SNED1: variants seen among roughly 807,000 people sequenced by gnomAD.
SNED1 encodes sushi, nidogen and EGF-like domain-containing protein 1.
SNED1 carries 81 observed loss-of-function variants against 166.7 expected under a neutral mutation model. The observed-to-expected ratio is 0.49, with a 90% CI of 0.41 to 0.58. The LOEUF is 0.58. Ranked by LOEUF, SNED1 falls within the 20% of genes least tolerant of loss-of-function variation. The pLI, the probability that SNED1 is intolerant of heterozygous loss-of-function variation, is 0.00. For synonymous variants in SNED1, 762 were observed against 822.0 expected (o/e 0.93, Z 1.25); for missense variants, 1,604 against 2,000.2 (o/e 0.80, Z 3.78).
intron 12 of SNED1, among the ~76,000 whole-genome samples, chr2:241,050,283 C>T (rs1180710341): frequency 1.3e-5 from 2 of 152,154 alleles, no homozygotes; most frequent in Non-Finnish European, 2.9e-5. Flanking sequence ...TGGAAAATGT[C>T]GAATTTTATT....
At chr2:241,088,777 G>A (rs1406833624) in intron 31 of SNED1, 2 of 270,010 alleles carry the variant, frequency 7.4e-6, no homozygotes, top group African/African-American at 2.2e-5. Context: ...CCTGGGAGGA[G>A]GGGCCACGGG....
At chr2:241,088,223 G>A in intron 30 of SNED1, 142 bp from the exon 31 acceptor site, 1 of 687,616 alleles carries the variant, frequency 1.5e-6, no homozygotes. Context: ...CCACAGCGGT[G>A]TCTGGACTAA....
In SNED1 at chr2:241,034,493, T is replaced by C. The variant is rs1227089158; in HGVS notation, c.643-75T>C. ...GTTGCCGACCCTGGCAGGAACATGG[T>C]GGGGGCAGGGTAACCCCCACCTCTG... is the stretch of plus-strand genomic sequence containing the variant. On this transcript the variant is annotated intron_variant, in intron 3 of 31. Transcript: ENST00000310397. The C allele has an allele frequency of 2.6e-5, 36 of 1,358,984 alleles. No homozygotes were observed. In the East Asian group the frequency reaches 9.3e-4, roughly 35 times the overall value. The allele number at this position is 1,358,984 out of a possible 1,614,324, so 84.2% of individuals were successfully genotyped here. A position where few individuals can be genotyped will look rare whatever the true frequency, so the allele number is the denominator to read the frequency against.
At chr2:241,017,942 A>C (rs1371674927) in intron 1 of SNED1, among the ~76,000 whole-genome samples, 1 of 152,216 alleles carries the variant, frequency 6.6e-6, no homozygotes, top group Non-Finnish European at 1.5e-5. Context: ...CCAAAAAAGC[A>C]GCTCCCGCTA....
intron 1 of SNED1, among the ~76,000 whole-genome samples, chr2:241,002,848 C>A (rs1250107348): frequency 6.6e-6 from 1 of 152,094 alleles, no homozygotes; most frequent in Non-Finnish European, 1.5e-5. Context: ...CATGAATAAA[C>A]CCCTGAGAGC....
In SNED1 at chr2:241,071,699, AG is replaced by A; in HGVS notation, c.3714del (p.Thr1239ProfsTer18). On this transcript the variant is annotated frameshift_variant, in exon 25 of 32. Coordinates refer to ENST00000310397, the MANE Select transcript of SNED1 (RefSeq NM_001080437.3). LOFTEE classifies it high-confidence loss of function. ...LRLLNDHSAP[E>X]TPTQPPRFSE... is the part of the protein sequence containing the mutation. ...CTGCTCAATGACCACAGCGCCCCCG[AG>A]ACCCCCACCCAGCCCCCCAGGTACA... The A allele has an allele frequency of 1.5e-6, 2 of 1,290,718 alleles. No homozygotes were observed. The highest frequency in any genetic ancestry group is 2.1e-6 in the Non-Finnish European group (2 of 945,988). 80.0% of individuals were successfully genotyped at this position (1,290,718 alleles called of 1,614,324 possible). A position where few individuals can be genotyped will look rare whatever the true frequency, so the allele number is the denominator to read the frequency against.
rs747343073 is a variant in SNED1 at position 241,071,842 on chromosome 2, G to A, written c.3781G>A (p.Gly1261Ser). 44 of 1,605,072 alleles carry A rather than the reference G, an allele frequency of 2.7e-5. 1 individual carries two copies. Among genetic ancestry groups the A allele is most frequent in the South Asian group, 2.6e-4 (23 of 89,042 alleles). ...CAGAGGAAGAGTGAGCGCCAGGTTC[G>A]GTGGCTCACCCAGCAAAGCAGCCAC... Reference protein sequence around the residue: ...DGRGRVSARFGGSPSKAATVR... With the variant: ...DGRGRVSARFSGSPSKAATVR... The change falls in exon 26 of 32, where the codon GGT (glycine) becomes AGT (serine). Residue 1261 changes from glycine to serine, a missense_variant. Coordinates refer to ENST00000310397, the MANE Select transcript of SNED1 (RefSeq NM_001080437.3).
chr2:241,021,209 G>C (rs4676004), intron 1 of SNED1, among the ~76,000 whole-genome samples: 98,457 of 152,060 alleles, frequency 0.65, 32,835 homozygotes, highest in African/African-American at 0.82. Context: ...AGTGCCCATT[G>C]CTCTTCCCCA....
chr2:241,068,976 A>G lies in SNED1; in HGVS notation c.3260A>G (p.Glu1087Gly), dbSNP rs560940307. The change falls in exon 23 of 32, where the codon GAG (glutamate) becomes GGG (glycine). Residue 1087 changes from glutamate (E) to glycine (G), a missense_variant. Around this residue, in one of 2 missense-constraint regions of SNED1, gnomAD observed 1,237 missense variants for 1,620.8 expected, o/e 0.76. Coordinates refer to ENST00000310397, the MANE Select transcript of SNED1 (RefSeq NM_001080437.3). This position sits in a 1 kb window ranked among gnomAD's most constrained non-coding sequence, Gnocchi z 5.3. ...LTTLSGLRGEEHPTESLATAP... is the reference protein window; with the variant it reads ...LTTLSGLRGEGHPTESLATAP... ...ACCCTCAGTGGGCTCAGGGGAGAGG[A>G]GCACCCCACAGAGAGCCTGGCCACC... is the stretch of plus-strand genomic sequence containing the variant. 5 of 1,556,704 alleles carry G rather than the reference A, an allele frequency of 3.2e-6. No individual in the cohort carries two copies. In the African/African-American group the frequency reaches 4.1e-5, roughly 13 times the overall value.
chr2:241,049,937 TG>T lies in SNED1; in HGVS notation c.1735+6del. The T allele has an allele frequency of 6.2e-7, 1 of 1,611,544 alleles. No individual in the cohort carries two copies. The highest frequency in any genetic ancestry group is 8.5e-7 in the Non-Finnish European group (1 of 1,178,122). On this transcript the variant is annotated splice_donor_5th_base_variant and intron_variant, in intron 12 of 31. Coordinates refer to ENST00000310397, the MANE Select transcript of SNED1 (RefSeq NM_001080437.3). The stretch of plus-strand genomic sequence containing the variant: ...CACGGCAAGCACTGCGAGAAAGGTA[TG>T]GCGGGCAGGGGCGTCCGGGCCGGCG...
At chr2:241,039,679 G>C (rs957253179) in intron 6 of SNED1, among the ~76,000 whole-genome samples, 133 of 152,230 alleles carry the variant, frequency 8.7e-4, no homozygotes, top group African/African-American at 3.1e-3. Context: ...CACCCTGGGT[G>C]CTGCACACCC....
chr2:241,070,142 T>C lies in SNED1; in HGVS notation c.3530T>C (p.Val1177Ala). The change falls in exon 24 of 32, where the codon GTG (valine) becomes GCG (alanine). Residue 1177 changes from valine (V) to alanine (A), a missense_variant. By Grantham distance (64) the Val-to-Ala change is moderately conservative (BLOSUM62 0). Coordinates refer to ENST00000310397, the MANE Select transcript of SNED1 (RefSeq NM_001080437.3). Reference sequence around the variant, plus strand: ...CGGTACCAGCTCTCTGTGATAGCAGTGCAGAGCACGGAGCTCGGGCCGCAG... The same window carrying C: ...CGGTACCAGCTCTCTGTGATAGCAGCGCAGAGCACGGAGCTCGGGCCGCAG... ...GRRYQLSVIA[V>A]QSTELGPQHS... 1 of 1,611,400 alleles carries C rather than the reference T, an allele frequency of 6.2e-7. No homozygotes were observed. The highest frequency in any genetic ancestry group is 8.5e-7 in the Non-Finnish European group (1 of 1,179,558).
intron 8 of SNED1, among the ~76,000 whole-genome samples, chr2:241,046,718 CTG>C (rs2061657072): frequency 6.6e-6 from 1 of 152,178 alleles, no homozygotes; most frequent in African/African-American, 2.4e-5. Context: ...TGTATCCTGA[CTG>C]TGGTGGGGGT....
intron 27 of SNED1, among the ~76,000 whole-genome samples, chr2:241,077,516 C>G (rs1467397419): frequency 6.6e-6 from 1 of 152,104 alleles, no homozygotes; most frequent in African/African-American, 2.4e-5. Flanking sequence ...GCAAATCATA[C>G]CTGATCAGAG....
chr2:241,019,316 C>T (rs2060697295), intron 1 of SNED1, among the ~76,000 whole-genome samples: 1 of 152,184 alleles, frequency 6.6e-6, no homozygotes, highest in Non-Finnish European at 1.5e-5. Context: ...GAATATCCAT[C>T]AATACGTGAT....
chr2:241,085,604 G>A (rs1055220348), intron 29 of SNED1, among the ~76,000 whole-genome samples: 1 of 152,024 alleles, frequency 6.6e-6, no homozygotes, highest in African/African-American at 2.4e-5. Flanking sequence ...TCTAGGTTAT[G>A]GGTCACTTTT....
In SNED1 at chr2:241,078,251, C is replaced by T. The variant is rs182324657; in HGVS notation, c.3917-3426C>T. On this transcript the variant is annotated intron_variant, in intron 27 of 31. Coordinates refer to ENST00000310397, the MANE Select transcript of SNED1 (RefSeq NM_001080437.3). ...TACAAAAATTAGCTGGGCGTGGTGG[C>T]GGGCGCCTGTAGTCCCAGCTCCTCA... Among the ~76,000 whole-genome samples the T allele has an allele frequency of 4.7e-4, 71 of 151,622 alleles. 1 individual carries two copies. The highest frequency in any genetic ancestry group is 3.5e-3 in the East Asian group (18 of 5,170).
chr2:241,020,146 T>A (rs1249417249), intron 1 of SNED1, among the ~76,000 whole-genome samples: 1 of 152,198 alleles, frequency 6.6e-6, no homozygotes, highest in Non-Finnish European at 1.5e-5. Flanking sequence ...CCACGTGTGG[T>A]CCACAGGGCC....
At position 241,069,777 on chromosome 2, in the gene SNED1, G is replaced by GCCT; in HGVS notation, c.3308-141_3308-139dup. On this transcript the variant is annotated intron_variant, in intron 23 of 31. Transcript: ENST00000310397. The surrounding 1 kb of genome is among the most constrained non-coding windows in gnomAD (Gnocchi z 4.9). ...TGCTGTACGTGCCAGCCCACACCCCGCCTCGGCACTGTACCATTCTCCATA... is the reference window on the plus strand; with the variant it reads ...TGCTGTACGTGCCAGCCCACACCCCGCCTCCTCGGCACTGTACCATTCTCCATA... 1.1e-6 allele frequency: 1 copy of GCCT among 944,382 alleles called. No homozygotes were observed. Among genetic ancestry groups the GCCT allele is most frequent in the South Asian group, 1.7e-5 (1 of 58,844 alleles). 58.5% of individuals were successfully genotyped at this position (944,382 alleles called of 1,614,324 possible). A position where few individuals can be genotyped will look rare whatever the true frequency, so the allele number is the denominator to read the frequency against.
Sources: allele counts gnomAD v4.1 joint callset (sites outside exome capture counted in the v4.1 genomes callset), GRCh38; gene constraint gnomAD v4.1.1; regional missense constraint gnomAD v4.1.1; non-coding constraint Gnocchi (gnomAD v3.1); transcripts MANE v1.5; gene names NCBI Gene and HGNC (gene_info 2026-07-23, HGNC 2026-07-21).